TENM3: variants seen among roughly 807,000 people sequenced by gnomAD.
The protein encoded by TENM3 is teneurin-3.
A neutral mutation model predicts 255.1 loss-of-function variants in TENM3; 63 were observed. That is an observed-to-expected ratio of 0.25 (90% CI 0.20 to 0.30). The LOEUF is 0.30. TENM3 is among the 10% of genes least tolerant of loss of function. TENM3 has a pLI of 1.00. For missense variants in TENM3, 2,929 were observed against 3,461.1 expected (o/e 0.85, Z 3.86); for synonymous variants, 1,306 against 1,322.3 (o/e 0.99, Z 0.27).
intron 3 of TENM3, among the ~76,000 whole-genome samples, chr4:182,373,417 C>T (rs765543186): frequency 7.2e-5 from 11 of 152,248 alleles, no homozygotes; most frequent in East Asian, 1.9e-4. Flanking sequence ...AGAAGCATGG[C>T]GCCAACATCT....
At position 182,312,655 on chromosome 4, in the gene TENM3, A is replaced by G. The variant is rs192230498; in HGVS notation, c.-75-11291A>G. On this transcript the variant is annotated intron_variant, in intron 1 of 27. Coordinates refer to ENST00000511685, the MANE Select transcript of TENM3 (RefSeq NM_001080477.4). ...GGCAAAATTTTCAAAGTCCTGGCTC[A>G]TGCCGAAGCGCAGGTGAAAAAAGTA... 2.6e-3 allele frequency among the ~76,000 whole-genome samples: 402 copies of G among 152,396 alleles called. 1 individual carries two copies. The highest frequency in any genetic ancestry group is 4.4e-3 in the Non-Finnish European group (300 of 68,044).
chr4:182,731,955 G>C (rs1344506602), intron 16 of TENM3, among the ~76,000 whole-genome samples: 4 of 151,554 alleles, frequency 2.6e-5, no homozygotes, highest in African/African-American at 9.7e-5. Context: ...CTAATTTTTT[G>C]TATTTTTAGT....
chr4:182,713,246 C>T (rs1257689294), intron 12 of TENM3, among the ~76,000 whole-genome samples: 1 of 152,216 alleles, frequency 6.6e-6, no homozygotes, highest in Non-Finnish European at 1.5e-5. Flanking sequence ...TCTTGAAGCA[C>T]GTCACTACCG....
At chr4:181,553,528 G>A in the TENM3 span, among the ~76,000 whole-genome samples, 1 of 151,736 alleles carries the variant, frequency 6.6e-6, no homozygotes, top group African/African-American at 2.4e-5. Context: ...TGCAAGCTCC[G>A]CCTCCCGGGT....
intron 3 of TENM3, among the ~76,000 whole-genome samples, chr4:182,465,402 C>T (rs1732487471): frequency 6.6e-6 from 1 of 152,086 alleles, no homozygotes; most frequent in African/African-American, 2.4e-5. Flanking sequence ...TGGAGGGAGA[C>T]TCAGGGAGCA....
chr4:181,603,478 A>T, the TENM3 span, among the ~76,000 whole-genome samples: 1 of 152,192 alleles, frequency 6.6e-6, no homozygotes, highest in Non-Finnish European at 1.5e-5. Flanking sequence ...AGACAACAAT[A>T]CCATCGGCAC....
chr4:181,841,885 C>T, the TENM3 span, among the ~76,000 whole-genome samples: 2 of 152,096 alleles, frequency 1.3e-5, no homozygotes, highest in Non-Finnish European at 2.9e-5. Flanking sequence ...ATGTTAGCAG[C>T]AGGCACTGGA....
the TENM3 span, among the ~76,000 whole-genome samples, chr4:181,966,836 C>T: frequency 6.6e-6 from 1 of 152,170 alleles, no homozygotes; most frequent in Non-Finnish European, 1.5e-5. Context: ...ATTATCTTTA[C>T]TTGGTGATGG....
At chr4:182,060,221 A>C in the TENM3 span, among the ~76,000 whole-genome samples, 1 of 152,192 alleles carries the variant, frequency 6.6e-6, no homozygotes, top group African/African-American at 2.4e-5. Flanking sequence ...TGGGTAACAG[A>C]GTGAGACTCT....
At chr4:182,781,023 C>G (rs1351915500) in intron 24 of TENM3, among the ~76,000 whole-genome samples, 1 of 150,980 alleles carries the variant, frequency 6.6e-6, no homozygotes, top group Non-Finnish European at 1.5e-5. Context: ...TTGACTTCCT[C>G]TTTTCCTAAT....
chr4:182,661,053 A>C (rs187054542), intron 6 of TENM3, among the ~76,000 whole-genome samples: 1 of 152,334 alleles, frequency 6.6e-6, no homozygotes, highest in Non-Finnish European at 1.5e-5. Flanking sequence ...CAATGTAACT[A>C]TGGCAAGTGA....
At chr4:181,886,058 T>G in the TENM3 span, among the ~76,000 whole-genome samples, 1 of 148,998 alleles carries the variant, frequency 6.7e-6, no homozygotes, top group South Asian at 2.2e-4. Context: ...GTTTTTTTTT[T>G]TTTTTTTTTT....
chr4:181,739,902 G>A, the TENM3 span, among the ~76,000 whole-genome samples: 1 of 152,090 alleles, frequency 6.6e-6, no homozygotes, highest in Non-Finnish European at 1.5e-5. Flanking sequence ...ATTACAGTAC[G>A]CAAAAATCAC....
At chr4:181,671,314 A>G in the TENM3 span, among the ~76,000 whole-genome samples, 1 of 152,168 alleles carries the variant, frequency 6.6e-6, no homozygotes, top group Non-Finnish European at 1.5e-5. Flanking sequence ...GAACGCTGTT[A>G]TATTTACTCC....
At chr4:182,081,441 G>C in the TENM3 span, among the ~76,000 whole-genome samples, 6 of 151,912 alleles carry the variant, frequency 3.9e-5, no homozygotes. Flanking sequence ...AAAATTAGCT[G>C]GGCGTGGTGG....
At chr4:181,898,219 CTT>C in the TENM3 span, among the ~76,000 whole-genome samples, 292 of 152,076 alleles carry the variant, frequency 1.9e-3, 1 homozygote, top group Middle Eastern at 3.4e-3. Context: ...TAAATATAAT[CTT>C]TGAAAAAAAC....
At chr4:182,468,824 T>TTTTGTG (rs1180458928) in intron 3 of TENM3, among the ~76,000 whole-genome samples, 1 of 143,778 alleles carries the variant, frequency 7.0e-6, no homozygotes, top group Non-Finnish European at 1.5e-5. Context: ...TCCTGTGTGC[T>TTTTGTG]TGTGTGTGTG....
At chr4:182,120,335 G>T in the TENM3 span, among the ~76,000 whole-genome samples, 1 of 152,066 alleles carries the variant, frequency 6.6e-6, no homozygotes, top group Non-Finnish European at 1.5e-5. Flanking sequence ...TACTATCTAG[G>T]TTTGTGTAAT....
chr4:182,401,976 GTCT>G (rs1307488626), intron 3 of TENM3, among the ~76,000 whole-genome samples: 1 of 152,164 alleles, frequency 6.6e-6, no homozygotes, highest in Admixed American at 6.5e-5. Context: ...TTCACTGTAA[GTCT>G]TCTTATCTGT....
Sources: allele counts gnomAD v4.1 joint callset (sites outside exome capture counted in the v4.1 genomes callset), GRCh38; gene constraint gnomAD v4.1.1; transcripts MANE v1.5; gene names NCBI Gene and HGNC (gene_info 2026-07-23, HGNC 2026-07-21).